The following GCAT variants were observed in gnomAD, a reference collection of about 807,000 sequenced individuals.
GCAT encodes the protein glycine C-acetyltransferase.
A neutral mutation model predicts 39.7 loss-of-function variants in GCAT; 26 were observed. The observed-to-expected ratio is 0.65, with a 90% confidence interval of 0.48 to 0.91. GCAT has a LOEUF of 0.91. GCAT is among the 40% of genes least tolerant of loss of function. The pLI is 0.00. For synonymous variants in GCAT, 218 were observed against 237.2 expected, an observed-to-expected ratio of 0.92 and a Z score of 0.74; for missense variants, 550 against 576.2, an observed-to-expected ratio of 0.95 and a Z score of 0.47.
Position 37,815,812 on chromosome 22 carries a change from T to A in GCAT, c.964T>A (p.Ser322Thr), listed in dbSNP as rs1198735669. 1 of 1,613,982 alleles carries A rather than the reference T, an allele frequency of 6.2e-7. No homozygotes were observed. Residue 322 changes from serine (S) to threonine (T), a missense_variant, in exon 7 of 9, where the codon TCT becomes ACT. By Grantham distance (58) the Ser-to-Thr change is moderately conservative (BLOSUM62 1). Coordinates refer to ENST00000248924, the MANE Select transcript of GCAT (RefSeq NM_014291.4). ...GATGGGGAGTAACACCATTGTCCAG[T>A]CTATGGCTGCCAAGACCCAGAGGTG... ...LLMGSNTIVQ[S>T]MAAKTQRFRS...
chr22:37,809,294 T>C (rs909247758), intron 1 of GCAT, among the ~76,000 whole-genome samples: 2 of 152,230 alleles, frequency 1.3e-5, no homozygotes, highest in Non-Finnish European at 2.9e-5. Context: ...CTGTGTTCAC[T>C]CTGGGCTTTA....
intron 7 of GCAT, 174 bp from the exon 8 acceptor site, chr22:37,816,026 C>G: frequency 4.5e-6 from 2 of 448,888 alleles, no homozygotes; most frequent in Non-Finnish European, 5.9e-6. Context: ...CTTTCCACCT[C>G]CCTTGTTGTT....
rs762334184 is a variant in GCAT at position 37,813,453 on chromosome 22, C to G, written c.430-10C>G. The G allele has an allele frequency of 6.3e-7, 1 of 1,589,072 alleles. No homozygotes were observed. Among genetic ancestry groups the G allele is most frequent in the Non-Finnish European group, 8.6e-7 (1 of 1,167,576 alleles). On this transcript the variant is annotated splice_polypyrimidine_tract_variant and intron_variant, in intron 3 of 8. Transcript: ENST00000248924. ...TAAATGATGGCTCTACGCTCACTGC[C>G]TCCCTCCAGGCCCTGCTGACCCCAG... is the stretch of plus-strand genomic sequence containing the variant.
intron 1 of GCAT, 32 bp downstream of exon 1, chr22:37,808,195 C>T (rs894454237): frequency 7.0e-7 from 1 of 1,433,922 alleles, no homozygotes; most frequent in Admixed American, 2.7e-5. Flanking sequence ...CGTTCCAAGA[C>T]CTTTCCCGAG....
chr22:37,816,477 G>T (rs5995501), intron 8 of GCAT, 90 bp from the exon 9 acceptor site: 2 of 1,552,636 alleles, frequency 1.3e-6, no homozygotes, highest in African/African-American at 1.4e-5. Flanking sequence ...AGGCAGTCCC[G>T]AATCTGAGAC....
At chr22:37,813,398 G>A in intron 3 of GCAT, 65 bp from the exon 4 acceptor site, 2 of 1,504,622 alleles carry the variant, frequency 1.3e-6, no homozygotes, top group Non-Finnish European at 1.8e-6. Context: ...ATTTGCTGGA[G>A]TCCCGGTCAA....
Position 37,810,025 on chromosome 22 carries a change from A to C in GCAT, c.197-2A>C. On this transcript the variant is annotated splice_acceptor_variant, in intron 1 of 8. Coordinates refer to ENST00000248924, the MANE Select transcript of GCAT (RefSeq NM_014291.4). LOFTEE classifies it high-confidence loss of function. ...GTATCCATCTCCTCTCCTTCACCTC[A>C]GGAATCCTTAACTTCTGTGCCAACA... The C allele has an allele frequency of 6.2e-7, 1 of 1,613,942 alleles. No individual in the cohort carries two copies. Among genetic ancestry groups the C allele is most frequent in the Non-Finnish European group, 8.5e-7 (1 of 1,179,846 alleles).
intron 4 of GCAT, among the ~76,000 whole-genome samples, chr22:37,814,345 C>A (rs1035540447): frequency 3.3e-5 from 5 of 152,126 alleles, no homozygotes; most frequent in African/African-American, 1.2e-4. Flanking sequence ...CTCACTGAAA[C>A]CTCTGCCTCC....
In GCAT at chr22:37,815,717, G is replaced by A. The variant is rs989759179; in HGVS notation, c.869G>A (p.Arg290Gln). 65 of 1,613,512 alleles carry A rather than the reference G, an allele frequency of 4.0e-5. No individual in the cohort carries two copies. Among genetic ancestry groups the A allele is most frequent in the Admixed American group, 1.8e-4 (11 of 59,998 alleles). ...GTGTCCCTGCTGCGGCAGCGCGCCC[G>A]GCCATACCTCTTCTCCAACAGTCTG... ...PLVSLLRQRA[R>Q]PYLFSNSLPP... Residue 290 changes from arginine (R) to glutamine (Q), a missense_variant, in exon 7 of 9, where the codon CGG becomes CAG. By Grantham distance (43) the Arg-to-Gln change is conservative (BLOSUM62 1). Coordinates refer to ENST00000248924, the MANE Select transcript of GCAT (RefSeq NM_014291.4).
intron 5 of GCAT, 44 bp downstream of exon 5, chr22:37,815,324 G>C: frequency 6.2e-7 from 1 of 1,605,314 alleles, no homozygotes; most frequent in East Asian, 2.2e-5. Context: ...GGCTTCTGAG[G>C]GTGGCTGGGA....
chr22:37,816,317 G>A lies in GCAT; in HGVS notation c.1104G>A (p.Lys368=). The A allele has an allele frequency of 1.2e-6, 2 of 1,610,700 alleles. No individual in the cohort carries two copies. Among genetic ancestry groups the A allele is most frequent in the East Asian group, 2.2e-5 (1 of 44,886 alleles). ...LASRMADDML[K]RGIFVIGFSY... ...CTCGCATGGCGGATGACATGCTGAA[G>A]AGAGGTAAGGGTGCTGAGACAAGGG... Residue 368 remains lysine (K), a synonymous_variant, in exon 8 of 9, where the codon AAG becomes AAA. Transcript: ENST00000248924.
In GCAT at chr22:37,815,156, G is replaced by C. The variant is rs1199959656; in HGVS notation, c.607G>C (p.Gly203Arg). ...KHRLRLVATD[G>R]AFSMDGDIAP... Reference sequence around the variant, plus strand: ...TCGGCTGCGCCTGGTGGCCACTGATGGGGCCTTTTCCATGGATGGCGACAT... The same window carrying C: ...TCGGCTGCGCCTGGTGGCCACTGATCGGGCCTTTTCCATGGATGGCGACAT... The change falls in exon 5 of 9, where the codon GGG becomes CGG. Residue 203 changes from glycine (G) to arginine (R), a missense_variant. By Grantham distance (125) the Gly-to-Arg change is moderately radical (BLOSUM62 -2). Transcript: ENST00000248924. The C allele has an allele frequency of 1.2e-6, 2 of 1,613,914 alleles. No individual in the cohort carries two copies. Among genetic ancestry groups the C allele is most frequent in the South Asian group, 1.1e-5 (1 of 91,090 alleles).
chr22:37,813,914 C>T (rs746347322), intron 4 of GCAT, among the ~76,000 whole-genome samples: 3 of 151,926 alleles, frequency 2.0e-5, no homozygotes, highest in Admixed American at 6.6e-5. Flanking sequence ...TACAGGCATC[C>T]GCCACCCCAC....
rs145193068 is a variant in GCAT, at chr22:37,816,236, C to G, written c.1023C>G (p.Ile341Met). 24 of 1,613,528 alleles carry G rather than the reference C, an allele frequency of 1.5e-5. No individual in the cohort carries two copies. In the African/African-American group the frequency reaches 2.1e-4, roughly 14 times the overall value. ...RSKMEAAGFT[I>M]SGASHPICPV... Reference sequence around the variant, plus strand: ...AGATGGAAGCTGCTGGCTTCACTATCTCGGGAGCCAGTCACCCCATCTGCC... The same window carrying G: ...AGATGGAAGCTGCTGGCTTCACTATGTCGGGAGCCAGTCACCCCATCTGCC... The change falls in exon 8 of 9, where the codon ATC (isoleucine) becomes ATG (methionine). Residue 341 changes from isoleucine (I) to methionine (M), a missense_variant. Ile to Met is a conservative substitution (Grantham distance 10). This residue lies in a region of GCAT where 378 missense variants were observed against 390.4 expected (regional missense o/e 0.97). Transcript: ENST00000248924.
rs150155104 is a variant in GCAT at position 37,812,064 on chromosome 22, T to C, written c.328-823T>C. Among the ~76,000 whole-genome samples, 4 of 151,908 alleles carry C rather than the reference T, an allele frequency of 2.6e-5. No individual in the cohort carries two copies. The East Asian group carries it at 5.8e-4, about 22-fold the overall frequency. On this transcript the variant is annotated intron_variant, in intron 2 of 8. Coordinates refer to ENST00000248924, the MANE Select transcript of GCAT (RefSeq NM_014291.4). Reference sequence around the variant, plus strand: ...AGTCCATGCTGGCTGGGCATGGTAGTTCACACCTGTAATCCCAATACTTTT... The same window carrying C: ...AGTCCATGCTGGCTGGGCATGGTAGCTCACACCTGTAATCCCAATACTTTT...
chr22:37,808,059 T>C lies in GCAT; in HGVS notation c.92T>C (p.Leu31Pro). 6.4e-7 allele frequency: 1 copy of C among 1,563,420 alleles called. No individual in the cohort carries two copies. Residue 31 changes from leucine to proline, a missense_variant, in exon 1 of 9, where the codon CTG becomes CCG. Around this residue, in one of 3 missense-constraint regions of GCAT, gnomAD observed 154 missense variants for 141.9 expected, o/e 1.08. Transcript: ENST00000248924. ...QSALAQLRGI[L>P]EGELEGIRGA... ...GCGCTGGCCCAGCTGCGTGGCATTC[T>C]GGAGGGGGAGCTGGAAGGCATCCGC... is the stretch of plus-strand genomic sequence containing the variant.
In GCAT at chr22:37,810,124, C is replaced by G. The variant is rs1305351943; in HGVS notation, c.294C>G (p.Gly98=). The change falls in exon 2 of 9, where the codon GGC becomes GGG. Residue 98 remains glycine, a synonymous_variant. Transcript: ENST00000248924. Reference sequence around the variant, plus strand: ...AGGCTCTGGAGGAGTTTGGAGCTGGCCTCAGCTCTGTCCGCTTTATCTGTG... The same window carrying G: ...AGGCTCTGGAGGAGTTTGGAGCTGGGCTCAGCTCTGTCCGCTTTATCTGTG... ...GLQALEEFGA[G]LSSVRFICGT... 6.2e-7 allele frequency: 1 copy of G among 1,613,674 alleles called. No individual in the cohort carries two copies. The highest frequency in any genetic ancestry group is 1.7e-5 in the Admixed American group (1 of 60,006).
In GCAT at chr22:37,815,280, G is replaced by T; in HGVS notation, c.731G>T (p.Arg244Leu). The change falls in exon 5 of 9, where the codon CGG (arginine) becomes CTG (leucine). Residue 244 changes from arginine (R) to leucine (L), a missense_variant and splice_region_variant. Arg to Leu is a moderately radical substitution (Grantham distance 102). Around this residue, in one of 3 missense-constraint regions of GCAT, gnomAD observed 378 missense variants for 390.4 expected, o/e 0.97. Coordinates refer to ENST00000248924, the MANE Select transcript of GCAT (RefSeq NM_014291.4). The stretch of plus-strand genomic sequence containing the variant: ...ACTGGCTTCCTGGGGCCCACAGGAC[G>T]GTGGGACCATGTGGCACCTGAGGCC... The part of the protein sequence containing the change: ...HATGFLGPTG[R>L]GTDELLGVMD... The T allele has an allele frequency of 3.7e-6, 6 of 1,613,048 alleles. No individual in the cohort carries two copies. Among genetic ancestry groups the T allele is most frequent in the Non-Finnish European group, 5.1e-6 (6 of 1,179,412 alleles).
At chr22:37,808,771 C>G (rs1302620629) in intron 1 of GCAT, among the ~76,000 whole-genome samples, 3 of 152,160 alleles carry the variant, frequency 2.0e-5, no homozygotes, top group African/African-American at 7.2e-5. Flanking sequence ...ACTGCAACCT[C>G]TGCCTCCCGG....
Sources: gnomAD v4.1 joint callset for allele counts (sites outside exome capture counted in the v4.1 genomes callset) on GRCh38, gnomAD v4.1.1 for gene constraint, gnomAD v4.1.1 regional missense constraint, MANE v1.5 for transcripts, NCBI Gene and HGNC (gene_info 2026-07-23, HGNC 2026-07-21) for gene names.